Variants in ADAMTS2 observed in about 807,000 individuals in gnomAD.
ADAMTS2 encodes ADAM metallopeptidase with thrombospondin type 1 motif 2, also known as A disintegrin and metalloproteinase with thrombospondin motifs 2.
ADAMTS2 carries 50 observed loss-of-function variants against 123.0 expected under a neutral mutation model. The observed-to-expected ratio is 0.41, with a 90% CI of 0.32 to 0.51. ADAMTS2 has a LOEUF of 0.51. Ranked by LOEUF, ADAMTS2 falls within the 20% of genes least tolerant of loss-of-function variation. The pLI is 0.35. For missense variants in ADAMTS2, 1,494 were observed against 1,705.2 expected, an observed-to-expected ratio of 0.88 and a Z score of 2.18; for synonymous variants, 678 against 695.4, an observed-to-expected ratio of 0.98 and a Z score of 0.39.
chr5:179,258,078 C>A (rs1226842049), intron 3 of ADAMTS2, among the ~76,000 whole-genome samples: 2 of 152,170 alleles, frequency 1.3e-5, no homozygotes, highest in African/African-American at 2.4e-5. Flanking sequence ...AGGCTCCAGG[C>A]AAGGTTGAGA....
chr5:179,207,475 T>TTCC, intron 4 of ADAMTS2, 38 bp downstream of exon 4: 8 of 588,610 alleles, frequency 1.4e-5, no homozygotes, highest in Admixed American at 4.1e-5. Flanking sequence ...TGGTTGACCC[T>TTCC]CCCCGCCCCA....
At position 179,164,641 on chromosome 5, in the gene ADAMTS2, G is replaced by T. The variant is rs148391675; in HGVS notation, c.976-5762C>A. 4.2e-3 allele frequency among the ~76,000 whole-genome samples: 645 copies of T among 152,270 alleles called. 6 individuals are homozygous for T. The highest frequency in any genetic ancestry group is 6.8e-3 in the Middle Eastern group (2 of 294). On this transcript the variant is annotated intron_variant, in intron 5 of 21. Transcript: ENST00000251582. Reference sequence around the variant, plus strand: ...AATGTCTTTCCTGGCCAGCTTGCTCGTTGGGAAGAGCTGGGCTGTTTTGCT... The same window carrying T: ...AATGTCTTTCCTGGCCAGCTTGCTCTTTGGGAAGAGCTGGGCTGTTTTGCT...
chr5:179,290,247 G>A (rs1485323343), intron 2 of ADAMTS2, among the ~76,000 whole-genome samples: 7 of 152,088 alleles, frequency 4.6e-5, no homozygotes, highest in Admixed American at 1.3e-4. Flanking sequence ...ATTAGTTCCC[G>A]AGCCTGGGTT....
Position 179,314,386 on chromosome 5 carries a change from G to A in ADAMTS2, c.534+29381C>T, listed in dbSNP as rs1402885594. Among the ~76,000 whole-genome samples, 1 of 152,222 alleles carries A rather than the reference G, an allele frequency of 6.6e-6. No homozygotes were observed. The highest frequency in any genetic ancestry group is 1.5e-5 in the Non-Finnish European group (1 of 68,046). ...GAGCTAAGTGAGCGCAGAGGAGAGT[G>A]CAGGGAGCGGCAAGGCCAGGCTCCT... On this transcript the variant is annotated intron_variant, in intron 2 of 21. Coordinates refer to ENST00000251582, the MANE Select transcript of ADAMTS2 (RefSeq NM_014244.5). The surrounding 1 kb of genome is among the most constrained non-coding windows in gnomAD (Gnocchi z 4.5).
At chr5:179,149,901 G>T (rs1245872452) in intron 10 of ADAMTS2, among the ~76,000 whole-genome samples, 1 of 152,032 alleles carries the variant, frequency 6.6e-6, no homozygotes, top group East Asian at 1.9e-4. Flanking sequence ...TACATAAAAG[G>T]CAATTTCACT....
At chr5:179,141,288 T>C (rs967596933) in intron 10 of ADAMTS2, among the ~76,000 whole-genome samples, 2 of 152,228 alleles carry the variant, frequency 1.3e-5, no homozygotes, top group South Asian at 2.1e-4. Flanking sequence ...CTTTGCAGGC[T>C]ATATAATCTC....
At chr5:179,230,998 G>A (rs1345768649) in intron 3 of ADAMTS2, among the ~76,000 whole-genome samples, 3 of 149,502 alleles carry the variant, frequency 2.0e-5, no homozygotes, top group Non-Finnish European at 3.0e-5. Context: ...GCAACAGAGC[G>A]AAACTCAGTC....
chr5:179,319,938 G>A (rs1258220693), intron 2 of ADAMTS2, among the ~76,000 whole-genome samples: 1 of 152,188 alleles, frequency 6.6e-6, no homozygotes, highest in African/African-American at 2.4e-5. Context: ...TCCTAATGTA[G>A]GAAGACTGCC....
At chr5:179,192,428 G>A (rs543351166) in intron 4 of ADAMTS2, among the ~76,000 whole-genome samples, 59 of 152,356 alleles carry the variant, frequency 3.9e-4, no homozygotes, top group African/African-American at 1.3e-3. Flanking sequence ...CTGTGCAGCA[G>A]GTCACAATCC....
At chr5:179,325,320 C>T (rs761522397) in intron 2 of ADAMTS2, among the ~76,000 whole-genome samples, 2 of 152,044 alleles carry the variant, frequency 1.3e-5, no homozygotes, top group Non-Finnish European at 2.9e-5. Context: ...GGGTGGGGCA[C>T]GGAAGGGAGA....
At position 179,211,760 on chromosome 5, in the gene ADAMTS2, G is replaced by A. The variant is rs188892852; in HGVS notation, c.689-4045C>T. Among the ~76,000 whole-genome samples, 385 of 152,312 alleles carry A rather than the reference G, an allele frequency of 2.5e-3. 9 individuals carry two copies. Among genetic ancestry groups the A allele is most frequent in the Admixed American group, 0.024 (374 of 15,308 alleles). On this transcript the variant is annotated intron_variant, in intron 3 of 21. Coordinates refer to ENST00000251582, the MANE Select transcript of ADAMTS2 (RefSeq NM_014244.5). The stretch of plus-strand genomic sequence containing the variant: ...TCATCCACAGTGCCACAGTGCACAG[G>A]GCACGTGGGCAAGGGCTGCAACTGC...
intron 2 of ADAMTS2, among the ~76,000 whole-genome samples, chr5:179,337,445 C>T (rs1426771118): frequency 2.0e-5 from 3 of 152,220 alleles, no homozygotes; most frequent in African/African-American, 7.2e-5. Context: ...ACACTGCATG[C>T]ACGTACTCCT....
At position 179,225,677 on chromosome 5, in the gene ADAMTS2, G is replaced by A. The variant is rs763051127; in HGVS notation, c.689-17962C>T. 7.2e-5 allele frequency among the ~76,000 whole-genome samples: 11 copies of A among 152,196 alleles called. No individual in the cohort carries two copies. Among genetic ancestry groups the A allele is most frequent in the Non-Finnish European group, 1.3e-4 (9 of 68,034 alleles). On this transcript the variant is annotated intron_variant, in intron 3 of 21. Transcript: ENST00000251582. This position sits in a 1 kb window ranked among gnomAD's most constrained non-coding sequence, Gnocchi z 4.5. ...AAGCAGAACGACACGGAGTTTGGCCGGGGCAGTCAGAGGAGAGCCCAGGCT... is the reference window on the plus strand; with the variant it reads ...AAGCAGAACGACACGGAGTTTGGCCAGGGCAGTCAGAGGAGAGCCCAGGCT...
Position 179,119,320 on chromosome 5 carries a change from C to T in ADAMTS2, c.3178+2341G>A, listed in dbSNP as rs115886721. ...CTCCCTCCCCAGGCTAGCCCCCGGG[C>T]CCGGCCCTATGCCCAAGGCCTGTCC... On this transcript the variant is annotated intron_variant, in intron 21 of 21. Transcript: ENST00000251582. 9.2e-3 allele frequency among the ~76,000 whole-genome samples: 1,396 copies of T among 152,348 alleles called. 20 individuals carry two copies. Among genetic ancestry groups the T allele is most frequent in the African/African-American group, 0.031 (1,276 of 41,586 alleles).
intron 2 of ADAMTS2, among the ~76,000 whole-genome samples, chr5:179,302,647 C>T (rs951153441): frequency 1.3e-5 from 2 of 151,244 alleles, no homozygotes; most frequent in East Asian, 2.0e-4. Context: ...CCCGGGGGGG[C>T]AAATGGCAGT....
Position 179,162,825 on chromosome 5 carries a change from C to T in ADAMTS2, c.976-3946G>A, listed in dbSNP as rs1195328556. 6.6e-6 allele frequency among the ~76,000 whole-genome samples: 1 copy of T among 152,244 alleles called. No individual in the cohort carries two copies. Among genetic ancestry groups the T allele is most frequent in the Non-Finnish European group, 1.5e-5 (1 of 68,046 alleles). ...GTGAAAGCCAATTCTGAGTTGTGCT[C>T]TTGTCACTTGCAGCGAAGAGAATCT... On this transcript the variant is annotated intron_variant, in intron 5 of 21. Transcript: ENST00000251582. This position sits in a 1 kb window ranked among gnomAD's most constrained non-coding sequence, Gnocchi z 5.1.
In ADAMTS2 at chr5:179,137,857, G is replaced by T; in HGVS notation, c.1863C>A (p.Asp621Glu). The change falls in exon 12 of 22, where the codon GAC becomes GAA. Residue 621 changes from aspartate to glutamate, a missense_variant. This residue lies in a region of ADAMTS2 where 953 missense variants were observed against 1,124.7 expected (regional missense o/e 0.85). Coordinates refer to ENST00000251582, the MANE Select transcript of ADAMTS2 (RefSeq NM_014244.5). Reference protein sequence around the residue: ...SRQDCPDSLADFREEQCRQWD... With the variant: ...SRQDCPDSLAEFREEQCRQWD... ...ACTGGCGGCACTGCTCCTCGCGGAA[G>T]TCAGCCAGGGAGTCGGGGCAGTCCT... 1 of 1,565,370 alleles carries T rather than the reference G, an allele frequency of 6.4e-7. No homozygotes were observed.
Position 179,126,123 on chromosome 5 carries a change from C to G in ADAMTS2, c.2625G>C (p.Gln875His). The G allele has an allele frequency of 6.2e-7, 1 of 1,613,284 alleles. No individual in the cohort carries two copies. Among genetic ancestry groups the G allele is most frequent in the Non-Finnish European group, 8.5e-7 (1 of 1,180,014 alleles). The change falls in exon 18 of 22, where the codon CAG (glutamine) becomes CAC (histidine). Residue 875 changes from glutamine to histidine, a missense_variant. Gln to His is a conservative substitution (Grantham distance 24). Around this residue, in one of 6 missense-constraint regions of ADAMTS2, gnomAD observed 953 missense variants for 1,124.7 expected, o/e 0.85. Transcript: ENST00000251582. ...TCCGGCGGCAGCCATACTTGGTGAA[C>G]TGGGACCCTGAAGGCAGAGAGCTCG... is the stretch of plus-strand genomic sequence containing the variant. ...PCSKPCGGGS[Q>H]FTKYGCRRRL... is the part of the protein sequence containing the mutation.
intron 2 of ADAMTS2, among the ~76,000 whole-genome samples, chr5:179,293,752 T>C (rs894251881): frequency 1.3e-5 from 2 of 151,866 alleles, no homozygotes; most frequent in African/African-American, 4.8e-5. Flanking sequence ...TAGCTGTGAT[T>C]ACAGGCACAC....
Sources: gnomAD v4.1 joint callset for allele counts (sites outside exome capture counted in the v4.1 genomes callset) on GRCh38, gnomAD v4.1.1 for gene constraint, gnomAD v4.1.1 regional missense constraint, Gnocchi (gnomAD v3.1) non-coding constraint, MANE v1.5 for transcripts, NCBI Gene and HGNC (gene_info 2026-07-23, HGNC 2026-07-21) for gene names.